The following KAZN variants were observed in gnomAD, a reference collection of about 807,000 sequenced individuals.
KAZN encodes the protein kazrin.
KAZN carries 40 observed loss-of-function variants against 87.4 expected under a neutral mutation model. That is an observed-to-expected ratio of 0.46 (90% CI 0.36 to 0.60). The LOEUF is 0.60. KAZN is among the 20% of genes least tolerant of loss of function. KAZN has a pLI of 0.00. For missense variants in KAZN, 898 were observed against 1,073.9 expected (o/e 0.84, Z 2.29); for synonymous variants, 466 against 458.3 (o/e 1.02, Z -0.22).
intron 2 of KAZN, among the ~76,000 whole-genome samples, chr1:14,975,320 G>T (rs1439882162): frequency 6.6e-6 from 1 of 152,222 alleles, no homozygotes; most frequent in Non-Finnish European, 1.5e-5. Flanking sequence ...ACCTGGCCCA[G>T]CTAGAGGCTG....
chr1:14,440,158 T>G (rs1280526874), intron 2 of KAZN, among the ~76,000 whole-genome samples: 1 of 152,224 alleles, frequency 6.6e-6, no homozygotes, highest in East Asian at 1.9e-4. Context: ...CCCCAGCACT[T>G]TAAAGAATTC....
intron 1 of KAZN, among the ~76,000 whole-genome samples, chr1:14,638,749 A>T (rs972880387): frequency 5.3e-5 from 8 of 151,790 alleles, no homozygotes; most frequent in Admixed American, 1.3e-4. Context: ...CCGCTTCTCC[A>T]TCTTCACCGC....
At chr1:13,973,907 AG>A (rs1451287812) in intron 1 of KAZN, among the ~76,000 whole-genome samples, 1 of 152,236 alleles carries the variant, frequency 6.6e-6, no homozygotes, top group Non-Finnish European at 1.5e-5. Context: ...GACCACCCAC[AG>A]GTCTGTTGGT....
chr1:14,847,388 G>T (rs747496467), intron 1 of KAZN, among the ~76,000 whole-genome samples: 7 of 152,222 alleles, frequency 4.6e-5, no homozygotes, highest in Non-Finnish European at 7.3e-5. Context: ...GCTCTGCCCA[G>T]AGTCTCAAAG....
chr1:14,977,399 T>G (rs1665755810), intron 2 of KAZN, among the ~76,000 whole-genome samples: 1 of 152,170 alleles, frequency 6.6e-6, no homozygotes, highest in Non-Finnish European at 1.5e-5. Flanking sequence ...TACCCATGGT[T>G]CCATCCCAGA....
intron 1 of KAZN, among the ~76,000 whole-genome samples, chr1:13,956,188 C>T (rs1020183240): frequency 1.1e-4 from 17 of 152,162 alleles, no homozygotes; most frequent in Non-Finnish European, 1.6e-4. Context: ...GGCATTCCCT[C>T]TTTGTCATTG....
At chr1:14,480,255 T>C (rs1336230661) in intron 2 of KAZN, among the ~76,000 whole-genome samples, 6 of 152,204 alleles carry the variant, frequency 3.9e-5, no homozygotes, top group Admixed American at 3.3e-4. Flanking sequence ...AAGGGGACCT[T>C]CTATAGGTCA....
intron 1 of KAZN, among the ~76,000 whole-genome samples, chr1:14,083,543 A>G (rs1377685882): frequency 6.6e-6 from 1 of 152,238 alleles, no homozygotes; most frequent in African/African-American, 2.4e-5. Context: ...CCTGGCTCAG[A>G]ATAAGTGGTC....
intron 1 of KAZN, among the ~76,000 whole-genome samples, chr1:14,608,609 C>T (rs969003600): frequency 6.6e-6 from 1 of 152,050 alleles, no homozygotes; most frequent in African/African-American, 2.4e-5. Context: ...ACCTTCTCCC[C>T]CAGAGAAAGA....
intron 1 of KAZN, among the ~76,000 whole-genome samples, chr1:14,120,231 G>A (rs1644721422): frequency 6.6e-6 from 1 of 152,132 alleles, no homozygotes; most frequent in Admixed American, 6.5e-5. Context: ...ATAGAAGAAG[G>A]CAAAGAGGAA....
chr1:15,036,185 C>T (rs960625903), intron 3 of KAZN, among the ~76,000 whole-genome samples: 4 of 151,770 alleles, frequency 2.6e-5, no homozygotes, highest in Non-Finnish European at 4.4e-5. Flanking sequence ...GTGCCCGACT[C>T]GAGAGCAGGG....
Position 14,646,653 on chromosome 1 carries a change from A to C in KAZN, c.226+47430A>C, listed in dbSNP as rs1680832871. 2.0e-5 allele frequency among the ~76,000 whole-genome samples: 3 copies of C among 152,146 alleles called. No individual in the cohort carries two copies. The South Asian group carries it at 6.2e-4, about 32-fold the overall frequency. On this transcript the variant is annotated intron_variant, in intron 1 of 14. Coordinates refer to ENST00000376030, the MANE Select transcript of KAZN (RefSeq NM_201628.3). ...AGCATCCCTGGCCTCTACCCACCAG[A>C]TGTCAGCAGTGTCCCCCAGCCTGCA... is the stretch of plus-strand genomic sequence containing the variant.
At chr1:14,727,450 CTTTTTTTT>C (rs57203868) in intron 1 of KAZN, among the ~76,000 whole-genome samples, 7 of 73,906 alleles carry the variant, frequency 9.5e-5, no homozygotes, top group African/African-American at 3.1e-4. Flanking sequence ...TGTGCACTTT[CTTTTTTTT>C]TTTTTTTTTT....
At chr1:14,531,151 A>T (rs1164093689) in intron 2 of KAZN, among the ~76,000 whole-genome samples, 1 of 152,204 alleles carries the variant, frequency 6.6e-6, no homozygotes, top group Non-Finnish European at 1.5e-5. Context: ...ACTGACACGC[A>T]TCTCAATTGC....
At chr1:15,004,096 T>G (rs953254429) in intron 2 of KAZN, among the ~76,000 whole-genome samples, 1 of 152,210 alleles carries the variant, frequency 6.6e-6, no homozygotes, top group Admixed American at 6.5e-5. Context: ...TGAACATACC[T>G]GGAGCCTCGT....
At chr1:14,443,494 A>T (rs551089004) in intron 2 of KAZN, among the ~76,000 whole-genome samples, 1 of 152,384 alleles carries the variant, frequency 6.6e-6, no homozygotes, top group Non-Finnish European at 1.5e-5. Context: ...TCATTCTAAC[A>T]GGAGGCCTGC....
At chr1:14,151,052 T>G (rs1645462663) in intron 1 of KAZN, among the ~76,000 whole-genome samples, 2 of 152,136 alleles carry the variant, frequency 1.3e-5, no homozygotes, top group Non-Finnish European at 2.9e-5. Context: ...CAGTGTAGTC[T>G]CCATTCAGTT....
At chr1:14,714,418 A>T (rs896860867) in intron 1 of KAZN, among the ~76,000 whole-genome samples, 17 of 152,080 alleles carry the variant, frequency 1.1e-4, no homozygotes, top group Non-Finnish European at 2.1e-4. Flanking sequence ...GAAAAAAAAA[A>T]TCCCTAAGCA....
intron 2 of KAZN, among the ~76,000 whole-genome samples, chr1:14,328,782 T>C (rs760522716): frequency 7.4e-4 from 109 of 146,568 alleles, no homozygotes; most frequent in Non-Finnish European, 1.4e-3. Flanking sequence ...GCCCTCCAGA[T>C]TCTATGTACA....
Sources: gnomAD v4.1 joint callset for allele counts (sites outside exome capture counted in the v4.1 genomes callset) on GRCh38, gnomAD v4.1.1 for gene constraint, MANE v1.5 for transcripts, NCBI Gene and HGNC (gene_info 2026-07-23, HGNC 2026-07-21) for gene names.